FOXK2: variants seen among roughly 807,000 people sequenced by gnomAD.
FOXK2 encodes the protein forkhead box protein K2.
A neutral mutation model predicts 53.3 loss-of-function variants in FOXK2; 24 were observed. The observed-to-expected ratio is 0.45, with a 90% CI of 0.33 to 0.63. The LOEUF (loss-of-function observed/expected upper bound fraction) is 0.63, where lower values mean the gene tolerates loss of function less well. Among genes scored for constraint, FOXK2 ranks in the 30% least tolerant of loss-of-function variants. The pLI, the probability that FOXK2 is intolerant of heterozygous loss-of-function variation, is 0.03. For synonymous variants in FOXK2, 505 were observed against 407.1 expected, an observed-to-expected ratio of 1.24 and a Z score of -2.89; for missense variants, 952 against 910.5, an observed-to-expected ratio of 1.05 and a Z score of -0.59.
At chr17:82,537,939 C>T (rs1037754815) in intron 1 of FOXK2, among the ~76,000 whole-genome samples, 1 of 148,504 alleles carries the variant, frequency 6.7e-6, no homozygotes, top group Non-Finnish European at 1.5e-5. Context: ...AAAAAAAATC[C>T]GTGGCCAGGC....
At chr17:82,586,824 C>A (rs1390883816) in intron 7 of FOXK2, among the ~76,000 whole-genome samples, 1 of 152,030 alleles carries the variant, frequency 6.6e-6, no homozygotes, top group Non-Finnish European at 1.5e-5. Flanking sequence ...TCACTTGAAC[C>A]CGGAAGGTGG....
chr17:82,584,131 G>A lies in FOXK2; in HGVS notation c.1222G>A (p.Ala408Thr), dbSNP rs948959583. The change falls in exon 6 of 9, where the codon GCT (alanine) becomes ACT (threonine). Residue 408 changes from alanine to threonine, a missense_variant. Physicochemically the swap from Ala to Thr is moderately conservative, Grantham distance 58. This residue lies in a region of FOXK2 where 551 missense variants were observed against 385.1 expected (regional missense o/e 1.43). Transcript: ENST00000335255. ...GGCCCCCCTGGAGCCTGAGCCTGGC[G>A]CTGCACAGCCCAAACTCGCTGTCAT... ...SPAPLEPEPG[A>T]AQPKLAVIQE... 1.4e-5 allele frequency: 22 copies of A among 1,610,606 alleles called. No individual in the cohort carries two copies. In the Admixed American group the frequency reaches 2.0e-4, roughly 15 times the overall value.
intron 4 of FOXK2, among the ~76,000 whole-genome samples, chr17:82,573,257 T>A (rs1598219678): frequency 6.6e-6 from 1 of 151,072 alleles, no homozygotes; most frequent in South Asian, 2.1e-4. Context: ...GGCTTGGGGG[T>A]CTTTAATCAT....
At chr17:82,570,979 C>T (rs752088705) in intron 3 of FOXK2, among the ~76,000 whole-genome samples, 12 of 152,118 alleles carry the variant, frequency 7.9e-5, no homozygotes, top group African/African-American at 1.2e-4. Context: ...TCCTCATGGG[C>T]GGCAGGGTCT....
chr17:82,550,517 T>G (rs1314472721), intron 1 of FOXK2, among the ~76,000 whole-genome samples: 1 of 151,234 alleles, frequency 6.6e-6, no homozygotes, highest in Non-Finnish European at 1.5e-5. Context: ...TTTTTTTTTT[T>G]TTTGAGATGG....
At chr17:82,564,157 G>A (rs548841530) in intron 2 of FOXK2, among the ~76,000 whole-genome samples, 1 of 142,664 alleles carries the variant, frequency 7.0e-6, no homozygotes, top group African/African-American at 2.6e-5. Context: ...GTGTGATCTC[G>A]GCTCACTGCA....
chr17:82,554,316 C>G (rs2044703248), intron 1 of FOXK2, among the ~76,000 whole-genome samples: 1 of 152,202 alleles, frequency 6.6e-6, no homozygotes, highest in African/African-American at 2.4e-5. Flanking sequence ...GCAACAAAGT[C>G]TGGCTTTGTT....
chr17:82,582,896 G>T lies in FOXK2; in HGVS notation c.1065G>T (p.Val355=). The change falls in exon 5 of 9, where the codon GTG becomes GTT. Residue 355 remains valine (V), a synonymous_variant. Coordinates refer to ENST00000335255, the MANE Select transcript of FOXK2 (RefSeq NM_004514.4). ...QAFRKRRPRG[V]PCFRTPLGPL... ...TTAGGAAACGACGGCCTAGGGGCGT[G>T]CCCTGCTTTAGAACCCCTCTGGGAC... 6.2e-7 allele frequency: 1 copy of T among 1,608,812 alleles called. No homozygotes were observed. The highest frequency in any genetic ancestry group is 8.5e-7 in the Non-Finnish European group (1 of 1,178,808).
intron 8 of FOXK2, chr17:82,593,672 T>C (rs1391870607): frequency 6.6e-6 from 1 of 152,318 alleles, no homozygotes; most frequent in Non-Finnish European, 1.5e-5. Context: ...GGAGCCGGGC[T>C]GAGGCTGCGG....
At chr17:82,534,160 C>T (rs2044499064) in intron 1 of FOXK2, among the ~76,000 whole-genome samples, 1 of 151,414 alleles carries the variant, frequency 6.6e-6, no homozygotes, top group Non-Finnish European at 1.5e-5. Context: ...GTGGGAGGAT[C>T]ACTTGACCCT....
intron 7 of FOXK2, 140 bp from the exon 8 acceptor site, chr17:82,586,923 C>G: frequency 2.5e-6 from 2 of 788,426 alleles, no homozygotes; most frequent in East Asian, 2.6e-5. Flanking sequence ...AAGATTTGCT[C>G]ATCTTTTTCT....
chr17:82,586,815 C>T (rs941464540), intron 7 of FOXK2, among the ~76,000 whole-genome samples: 2 of 152,074 alleles, frequency 1.3e-5, no homozygotes, highest in Non-Finnish European at 2.9e-5. Flanking sequence ...GCGGGAGAAT[C>T]ACTTGAACCC....
intron 1 of FOXK2, among the ~76,000 whole-genome samples, chr17:82,554,451 G>C (rs1165641854): frequency 6.6e-6 from 1 of 152,186 alleles, no homozygotes; most frequent in African/African-American, 2.4e-5. Context: ...ACTAGAACAG[G>C]AGAATGAGAG....
chr17:82,567,537 G>A (rs953347097), intron 2 of FOXK2, among the ~76,000 whole-genome samples: 16 of 152,318 alleles, frequency 1.1e-4, no homozygotes, highest in African/African-American at 3.4e-4. Flanking sequence ...CCTTCAGCAG[G>A]TGTCCATGTC....
chr17:82,561,729 G>A (rs2044795812), intron 1 of FOXK2, among the ~76,000 whole-genome samples: 1 of 152,200 alleles, frequency 6.6e-6, no homozygotes, highest in South Asian at 2.1e-4. Context: ...AGAGGGTTGG[G>A]AAGTGTCTTC....
intron 1 of FOXK2, among the ~76,000 whole-genome samples, chr17:82,559,866 G>A (rs564900081): frequency 6.6e-6 from 1 of 152,244 alleles, no homozygotes; most frequent in South Asian, 2.1e-4. Flanking sequence ...AGAGGGCCAA[G>A]TGGGTGACTT....
intron 1 of FOXK2, among the ~76,000 whole-genome samples, chr17:82,533,555 A>C (rs2044492369): frequency 6.6e-6 from 1 of 152,060 alleles, no homozygotes; most frequent in South Asian, 2.1e-4. Flanking sequence ...ATTAAGTATT[A>C]CATATTGTAC....
In FOXK2 at chr17:82,603,127, A is replaced by G. The variant is rs573221532; in HGVS notation, c.*1628A>G. ...GACGCCCATTGAAAGGTATGAAATG[A>G]CTGCACACTAGCTGGATTATCACTC... On this transcript the variant is annotated 3_prime_UTR_variant, in exon 9 of 9. Coordinates refer to ENST00000335255, the MANE Select transcript of FOXK2 (RefSeq NM_004514.4). 1.4e-3 allele frequency: 210 copies of G among 152,602 alleles called. No individual in the cohort carries two copies. The highest frequency in any genetic ancestry group is 2.1e-3 in the Non-Finnish European group (140 of 68,022). 9.5% of individuals were successfully genotyped at this position (152,602 alleles called of 1,614,324 possible).
intron 1 of FOXK2, among the ~76,000 whole-genome samples, chr17:82,553,498 C>G (rs78077159): frequency 0.034 from 5,242 of 152,368 alleles, 135 homozygotes; most frequent in South Asian, 0.075. Context: ...GTCAAGGACA[C>G]ATGACCTGCT....
Sources: gnomAD v4.1 joint callset for allele counts (sites outside exome capture counted in the v4.1 genomes callset) on GRCh38, gnomAD v4.1.1 for gene constraint, gnomAD v4.1.1 regional missense constraint, MANE v1.5 for transcripts, NCBI Gene and HGNC (gene_info 2026-07-23, HGNC 2026-07-21) for gene names.